HPSE2: variants seen among roughly 807,000 people sequenced by gnomAD.
The protein encoded by HPSE2 is heparanase 2 (inactive), also known as inactive heparanase-2.
A neutral mutation model predicts 60.5 loss-of-function variants in HPSE2; 38 were observed. That is an observed-to-expected ratio of 0.63 (90% confidence interval 0.48 to 0.82). The LOEUF is 0.82. Ranked by LOEUF, HPSE2 falls within the 40% of genes least tolerant of loss-of-function variation. The pLI, the probability that HPSE2 is intolerant of heterozygous loss-of-function variation, is 0.00. For missense variants in HPSE2, 713 were observed against 740.4 expected, an observed-to-expected ratio of 0.96 and a Z score of 0.43; for synonymous variants, 295 against 293.2, an observed-to-expected ratio of 1.01 and a Z score of -0.06.
At chr10:99,099,761 C>A (rs1010846423) in intron 3 of HPSE2, among the ~76,000 whole-genome samples, 2 of 152,130 alleles carry the variant, frequency 1.3e-5, no homozygotes, top group Admixed American at 1.3e-4. Context: ...CAGAGTGACA[C>A]CTCACACGGC....
intron 3 of HPSE2, among the ~76,000 whole-genome samples, chr10:98,945,880 C>T (rs539293371): frequency 1.3e-5 from 2 of 152,202 alleles, no homozygotes; most frequent in East Asian, 3.9e-4. Context: ...TCCCATTCCT[C>T]AAAATTAGCT....
At chr10:98,545,109 A>T (rs1353974435) in intron 9 of HPSE2, among the ~76,000 whole-genome samples, 1 of 152,258 alleles carries the variant, frequency 6.6e-6, no homozygotes, top group Admixed American at 6.5e-5. Flanking sequence ...ACCAGGAAGA[A>T]GTTGAATCTC....
intron 3 of HPSE2, among the ~76,000 whole-genome samples, chr10:98,952,231 C>T (rs1346128245): frequency 6.6e-6 from 1 of 152,018 alleles, no homozygotes; most frequent in African/African-American, 2.4e-5. Context: ...TTTCCCGTGG[C>T]TCTGCCACTC....
Position 99,144,328 on chromosome 10 carries a change from G to A in HPSE2, c.520C>T (p.Leu174=). The change falls in exon 3 of 12, where the codon CTG becomes TTG. Residue 174 remains leucine (L), a synonymous_variant. Transcript: ENST00000370552. ...GCTGCCTTCTCCCTTTGGAGCTCCA[G>A]CATAACATCAGGGTGCTGGGCAATC... ...CKIAQHPDVM[L]ELQREKAAQM... is the part of the protein sequence containing the mutation. 1.9e-6 allele frequency: 3 copies of A among 1,614,054 alleles called. No homozygotes were observed. Among genetic ancestry groups the A allele is most frequent in the South Asian group, 2.2e-5 (2 of 91,080 alleles).
intron 11 of HPSE2, among the ~76,000 whole-genome samples, chr10:98,482,179 T>C (rs150840277): frequency 6.6e-5 from 10 of 152,270 alleles, no homozygotes; most frequent in Admixed American, 6.5e-4. Flanking sequence ...CTCCTTCCTG[T>C]AAGCCCTGTG....
At chr10:98,989,778 C>CGAA (rs1956478619) in intron 3 of HPSE2, among the ~76,000 whole-genome samples, 1 of 152,190 alleles carries the variant, frequency 6.6e-6, no homozygotes, top group Middle Eastern at 3.4e-3. Context: ...GTATACAAAG[C>CGAA]AGGCTTGGAG....
intron 3 of HPSE2, among the ~76,000 whole-genome samples, chr10:98,905,108 A>C (rs1441395040): frequency 6.6e-6 from 1 of 152,172 alleles, no homozygotes; most frequent in African/African-American, 2.4e-5. Flanking sequence ...TATGGGCTAA[A>C]TGCTTGTATT....
At chr10:98,814,065 T>G (rs1010445283) in intron 3 of HPSE2, among the ~76,000 whole-genome samples, 6 of 152,180 alleles carry the variant, frequency 3.9e-5, no homozygotes, top group Admixed American at 1.3e-4. Context: ...TGCAAGTAAG[T>G]AGTGGAGCAA....
At position 99,179,790 on chromosome 10, in the gene HPSE2, G is replaced by GCCCACATAGCC. The variant is rs200639587; in HGVS notation, c.449-35402_449-35392dup. On this transcript the variant is annotated intron_variant, in intron 2 of 11. Coordinates refer to ENST00000370552, the MANE Select transcript of HPSE2 (RefSeq NM_021828.5). The stretch of plus-strand genomic sequence containing the variant: ...AAACTTCATATGAAACCAAAAAGGA[G>GCCCACATAGCC]CCCACATAGCCAAGACAATCCTAAG... Among the ~76,000 whole-genome samples the GCCCACATAGCC allele has an allele frequency of 7.6e-3, 1,150 of 150,798 alleles. 10 individuals are homozygous for GCCCACATAGCC. The highest frequency in any genetic ancestry group is 0.024 in the African/African-American group (980 of 41,240).
Position 98,949,246 on chromosome 10 carries a change from G to A in HPSE2, c.610+194992C>T, listed in dbSNP as rs554523725. Reference sequence around the variant, plus strand: ...CTCCAACACGCACACGCACACGCATGCGTGCACACACACACACACACACAC... The same window carrying A: ...CTCCAACACGCACACGCACACGCATACGTGCACACACACACACACACACAC... On this transcript the variant is annotated intron_variant, in intron 3 of 11. Coordinates refer to ENST00000370552, the MANE Select transcript of HPSE2 (RefSeq NM_021828.5). Among the ~76,000 whole-genome samples, 5 of 83,964 alleles carry A rather than the reference G, an allele frequency of 6.0e-5. No homozygotes were observed. The South Asian group carries it at 1.8e-3, about 30-fold the overall frequency. 55.1% of individuals were successfully genotyped at this position (83,964 alleles called of 152,430 possible). A position where few individuals can be genotyped will look rare whatever the true frequency, so the allele number is the denominator to read the frequency against.
At chr10:99,140,325 C>T (rs143744899) in intron 3 of HPSE2, among the ~76,000 whole-genome samples, 2 of 152,276 alleles carry the variant, frequency 1.3e-5, no homozygotes, top group East Asian at 3.9e-4. Context: ...CAACACATGA[C>T]AAGAATCCTC....
intron 3 of HPSE2, chr10:99,047,899 C>A (rs1957893672): frequency 1.3e-6 from 1 of 762,818 alleles, no homozygotes; most frequent in Non-Finnish European, 2.4e-6. Flanking sequence ...CTTCAGAACC[C>A]AAACTGGCGT....
intron 6 of HPSE2, among the ~76,000 whole-genome samples, chr10:98,686,331 G>A (rs1303135247): frequency 6.6e-6 from 1 of 152,086 alleles, no homozygotes; most frequent in African/African-American, 2.4e-5. Flanking sequence ...CACAAATTTT[G>A]ATATATTGTA....
intron 3 of HPSE2, among the ~76,000 whole-genome samples, chr10:99,011,341 C>T (rs1589512770): frequency 6.6e-6 from 1 of 152,086 alleles, no homozygotes; most frequent in African/African-American, 2.4e-5. Flanking sequence ...TGGATCAATA[C>T]TTATAGTATG....
chr10:98,969,315 G>A (rs769883577), intron 3 of HPSE2, among the ~76,000 whole-genome samples: 2 of 152,018 alleles, frequency 1.3e-5, no homozygotes, highest in Non-Finnish European at 1.5e-5. Flanking sequence ...AACCCAAAAG[G>A]TTTCTATACT....
At chr10:99,243,711 A>C in the HPSE2 span, among the ~76,000 whole-genome samples, 2 of 152,108 alleles carry the variant, frequency 1.3e-5, no homozygotes, top group Non-Finnish European at 2.9e-5. Flanking sequence ...TGAGGCAGGC[A>C]GATCACCTGA....
chr10:99,225,882 A>C (rs1470569626), intron 2 of HPSE2, among the ~76,000 whole-genome samples: 1 of 151,990 alleles, frequency 6.6e-6, no homozygotes, highest in Non-Finnish European at 1.5e-5. Flanking sequence ...CTTCTTCTTC[A>C]ATTACATATT....
chr10:98,668,443 C>T (rs1321639632), intron 6 of HPSE2, among the ~76,000 whole-genome samples: 2 of 152,076 alleles, frequency 1.3e-5, no homozygotes, highest in Non-Finnish European at 2.9e-5. Context: ...CAAAAAGGAG[C>T]CCGATTAGCC....
intron 7 of HPSE2, among the ~76,000 whole-genome samples, chr10:98,626,656 T>C (rs780672998): frequency 2.4e-4 from 36 of 152,324 alleles, no homozygotes; most frequent in Non-Finnish European, 4.6e-4. Context: ...TGATTTTTTT[T>C]CCATCAATAT....
Sources: gnomAD v4.1 joint callset for allele counts (sites outside exome capture counted in the v4.1 genomes callset) on GRCh38, gnomAD v4.1.1 for gene constraint, MANE v1.5 for transcripts, NCBI Gene and HGNC (gene_info 2026-07-23, HGNC 2026-07-21) for gene names.